TRUB1: variants seen among roughly 807,000 people sequenced by gnomAD.
TRUB1 encodes the protein pseudouridylate synthase TRUB1.
In TRUB1, 23 loss-of-function variants were observed where a neutral mutation model predicts 33.9. That is an observed-to-expected ratio of 0.68 (90% CI 0.49 to 0.96). The LOEUF (loss-of-function observed/expected upper bound fraction) is 0.96. TRUB1 is among the 40% of genes least tolerant of loss of function. The probability of loss-of-function intolerance (pLI) is 0.00; values close to 1 mark genes in which losing one functional copy is unlikely to be tolerated. For synonymous variants in TRUB1, 163 were observed against 165.4 expected (o/e 0.99, Z 0.11); for missense variants, 378 against 422.2 (o/e 0.90, Z 0.92).
In TRUB1 at chr10:114,938,224, C is replaced by T. The variant is rs377402974; in HGVS notation, c.-30C>T. The T allele has an allele frequency of 1.9e-6, 3 of 1,606,306 alleles. No individual in the cohort carries two copies. The highest frequency in any genetic ancestry group is 1.1e-5 in the South Asian group (1 of 89,850). ...TTGTTGCATCATCAGCGTGCACCTC[C>T]ACGATGAAACAGGTCTGGGCTACAA... is the stretch of plus-strand genomic sequence containing the variant. On this transcript the variant is annotated 5_prime_UTR_variant, in exon 1 of 8. Transcript: ENST00000298746.
intron 4 of TRUB1, among the ~76,000 whole-genome samples, chr10:114,962,673 G>A (rs1363513983): frequency 6.6e-6 from 1 of 152,180 alleles, no homozygotes; most frequent in African/African-American, 2.4e-5. Flanking sequence ...CTGTAACACA[G>A]AGGATCGTAG....
At chr10:114,948,607 A>T (rs2084221130) in intron 2 of TRUB1, among the ~76,000 whole-genome samples, 1 of 152,220 alleles carries the variant, frequency 6.6e-6, no homozygotes, top group South Asian at 2.1e-4. Context: ...ATTTTTCTAT[A>T]TGCCACCACC....
intron 3 of TRUB1, among the ~76,000 whole-genome samples, chr10:114,956,150 C>T (rs1487583671): frequency 2.6e-5 from 4 of 152,204 alleles, no homozygotes. Flanking sequence ...GGGAGCTTGA[C>T]GATGAGTAAA....
intron 1 of TRUB1, among the ~76,000 whole-genome samples, chr10:114,939,205 C>T (rs1037400622): frequency 8.5e-5 from 13 of 152,134 alleles, no homozygotes; most frequent in Admixed American, 7.9e-4. Context: ...TTCGTTTATT[C>T]ACGTACACTG....
In TRUB1 at chr10:114,959,732, A is replaced by C; in HGVS notation, c.448A>C (p.Thr150Pro). 1.2e-6 allele frequency: 2 copies of C among 1,604,774 alleles called. No individual in the cohort carries two copies. The highest frequency in any genetic ancestry group is 1.7e-6 in the Non-Finnish European group (2 of 1,171,632). Residue 150 changes from threonine to proline, a missense_variant, in exon 4 of 8, where the codon ACT (threonine) becomes CCT (proline). Thr to Pro is a conservative substitution (Grantham distance 38). Coordinates refer to ENST00000298746, the MANE Select transcript of TRUB1 (RefSeq NM_139169.5). ...CTTGTTTCCCTTCCTCTAGAGATAT[A>C]CTGCCATTGGAGAACTGGGGAAAGC... ...TSMLSGSKRY[T>P]AIGELGKATD...
chr10:114,941,975 G>T (rs1002529258), intron 1 of TRUB1, among the ~76,000 whole-genome samples: 2 of 151,926 alleles, frequency 1.3e-5, no homozygotes, highest in Non-Finnish European at 2.9e-5. Context: ...TAGTAGAGAC[G>T]GTGTTTCACC....
rs148245314 is a variant in TRUB1, at chr10:114,938,505, G to A, written c.252G>A (p.Glu84=). ...VHKPKGPTSA[E]LLNRLKEKLL... is the part of the protein sequence containing the mutation. ...AGCCCAAAGGGCCCACTTCAGCCGA[G>A]CTGCTGAATCGGTTGAAGGAGAAGC... Residue 84 remains glutamate (E), a synonymous_variant, in exon 1 of 8, where the codon GAG becomes GAA. Coordinates refer to ENST00000298746, the MANE Select transcript of TRUB1 (RefSeq NM_139169.5). 16 of 1,564,116 alleles carry A rather than the reference G, an allele frequency of 1.0e-5. No homozygotes were observed. The African/African-American group carries it at 2.1e-4, about 20-fold the overall frequency.
rs2084359824 is a variant in TRUB1 at position 114,976,275 on chromosome 10, ATACT to A, written c.*900_*903del. 6.6e-6 allele frequency: 1 copy of A among 152,132 alleles called. No individual in the cohort carries two copies. The highest frequency in any genetic ancestry group is 2.4e-5 in the African/African-American group (1 of 41,430). 9.4% of individuals were successfully genotyped at this position (152,132 alleles called of 1,614,324 possible). ...TCTCTTTAGTTTGCTCTTTCAAGAG[ATACT>A]TACAGATGTTGAGATGGCTGCCCTG... On this transcript the variant is annotated 3_prime_UTR_variant, in exon 8 of 8. Transcript: ENST00000298746.
intron 4 of TRUB1, among the ~76,000 whole-genome samples, chr10:114,969,817 A>G (rs973010198): frequency 2.0e-5 from 3 of 151,872 alleles, no homozygotes; most frequent in Admixed American, 2.0e-4. Flanking sequence ...ATTTTACTTG[A>G]CAACAGAGTT....
intron 3 of TRUB1, among the ~76,000 whole-genome samples, chr10:114,955,854 C>T (rs1341219208): frequency 1.3e-5 from 2 of 152,112 alleles, no homozygotes; most frequent in Non-Finnish European, 2.9e-5. Flanking sequence ...AGGGCTTATA[C>T]TTATGAACTA....
chr10:114,946,029 G>A (rs2084209780), intron 2 of TRUB1, among the ~76,000 whole-genome samples: 2 of 152,218 alleles, frequency 1.3e-5, no homozygotes, highest in South Asian at 4.1e-4. Context: ...TAGTCACAGA[G>A]TAAGGGATGT....
intron 2 of TRUB1, among the ~76,000 whole-genome samples, chr10:114,949,246 G>A (rs1416948224): frequency 6.6e-6 from 1 of 152,192 alleles, no homozygotes; most frequent in Non-Finnish European, 1.5e-5. Flanking sequence ...TTGGGATTAT[G>A]TGCATAGTAG....
intron 1 of TRUB1, 142 bp downstream of exon 1, chr10:114,938,681 C>A: frequency 1.1e-6 from 1 of 946,670 alleles, no homozygotes; most frequent in South Asian, 2.3e-5. Flanking sequence ...GGACAGGAAT[C>A]TCGGGCATCT....
Position 114,976,897 on chromosome 10 carries a change from T to A in TRUB1, c.*1518T>A, listed in dbSNP as rs986356299. On this transcript the variant is annotated 3_prime_UTR_variant, in exon 8 of 8. Transcript: ENST00000298746. ...TAAAATGAAAATTTACAGTTTTACC[T>A]GTTCATATCTAGTGCCCCACAGTGT... The A allele has an allele frequency of 6.6e-6, 1 of 152,168 alleles. No homozygotes were observed. The highest frequency in any genetic ancestry group is 1.5e-5 in the Non-Finnish European group (1 of 68,014). The allele number at this position is 152,168 out of a possible 1,614,324, so 9.4% of individuals were successfully genotyped here. A position where few individuals can be genotyped will look rare whatever the true frequency, so the allele number is the denominator to read the frequency against.
chr10:114,959,804 T>G lies in TRUB1; in HGVS notation c.520T>G (p.Tyr174Asp). 1 of 1,594,964 alleles carries G rather than the reference T, an allele frequency of 6.3e-7. No individual in the cohort carries two copies. The highest frequency in any genetic ancestry group is 8.6e-7 in the Non-Finnish European group (1 of 1,163,050). The stretch of plus-strand genomic sequence containing the variant: ...GGGGAGGGTAACAGAAGAAAAACCT[T>G]ACGGTATGAAGCTCATCTAATGTAG... ...STGRVTEEKP[Y>D]DKITQEDIEG... is the part of the protein sequence containing the mutation. Residue 174 changes from tyrosine to aspartate, a missense_variant, in exon 4 of 8, where the codon TAC becomes GAC. Coordinates refer to ENST00000298746, the MANE Select transcript of TRUB1 (RefSeq NM_139169.5).
chr10:114,972,388 G>C, intron 6 of TRUB1, 114 bp downstream of exon 6: 1 of 1,215,998 alleles, frequency 8.2e-7, no homozygotes, highest in South Asian at 1.6e-5. Flanking sequence ...TTTAAAATTT[G>C]AATTTAAGGA....
At position 114,970,410 on chromosome 10, in the gene TRUB1, T is replaced by G; in HGVS notation, c.566T>G (p.Phe189Cys). ...QEDIEGILQK[F>C]TGNIMQVPPL... is the part of the protein sequence containing the mutation. ...GATATTGAAGGCATTCTACAGAAAT[T>G]TACTGGAAATATAATGCAAGTGCCC... Residue 189 changes from phenylalanine (F) to cysteine (C), a missense_variant, in exon 5 of 8, where the codon TTT becomes TGT. Coordinates refer to ENST00000298746, the MANE Select transcript of TRUB1 (RefSeq NM_139169.5). 6.2e-7 allele frequency: 1 copy of G among 1,612,202 alleles called. No homozygotes were observed. The highest frequency in any genetic ancestry group is 1.3e-5 in the African/African-American group (1 of 74,986).
chr10:114,939,736 A>T (rs2084177191), intron 1 of TRUB1, among the ~76,000 whole-genome samples: 2 of 151,860 alleles, frequency 1.3e-5, no homozygotes, highest in South Asian at 2.1e-4. Context: ...TGCATCAAGG[A>T]TATGTATTGT....
chr10:114,966,772 G>A (rs2084310553), intron 4 of TRUB1, among the ~76,000 whole-genome samples: 1 of 152,150 alleles, frequency 6.6e-6, no homozygotes. Context: ...TATAGAAATG[G>A]AGTTGATTTT....
Sources: allele counts gnomAD v4.1 joint callset (sites outside exome capture counted in the v4.1 genomes callset), GRCh38; gene constraint gnomAD v4.1.1; transcripts MANE v1.5; gene names NCBI Gene and HGNC (gene_info 2026-07-23, HGNC 2026-07-21).